Variants in ATG5 observed in about 807,000 individuals in gnomAD.
The protein encoded by ATG5 is autophagy related 5.
In ATG5, 14 loss-of-function variants were observed where a neutral mutation model predicts 36.5. The ratio of observed to expected loss-of-function variants is 0.38; its 90% CI spans 0.25 to 0.60. ATG5 has a LOEUF of 0.60. Ranked by LOEUF, ATG5 falls within the 20% of genes least tolerant of loss-of-function variation. The probability of loss-of-function intolerance (pLI) is 0.60; values close to 1 mark genes in which losing one functional copy is unlikely to be tolerated. For synonymous variants in ATG5, 95 were observed against 101.5 expected (o/e 0.94, Z 0.38); for missense variants, 195 against 326.7 (o/e 0.60, Z 3.11).
At chr6:106,229,500 G>GAGAA (rs1777590018) in intron 6 of ATG5, among the ~76,000 whole-genome samples, 2 of 152,060 alleles carry the variant, frequency 1.3e-5, no homozygotes, top group Non-Finnish European at 2.9e-5. Flanking sequence ...AGACAAAGAG[G>GAGAA]AGAAAGAGGC....
At chr6:106,253,705 T>C (rs1036824538) in intron 5 of ATG5, among the ~76,000 whole-genome samples, 1 of 152,200 alleles carries the variant, frequency 6.6e-6, no homozygotes, top group Non-Finnish European at 1.5e-5. Context: ...GAAAGCTCTT[T>C]TAAAGTATAA....
intron 5 of ATG5, among the ~76,000 whole-genome samples, chr6:106,262,158 C>T (rs1627312): frequency 0.082 from 12,446 of 152,220 alleles, 533 homozygotes; most frequent in South Asian, 0.13. Flanking sequence ...CTTCAACCTC[C>T]GCCTCCCAGG....
At chr6:106,250,294 C>G (rs867447554) in intron 5 of ATG5, among the ~76,000 whole-genome samples, 3 of 152,180 alleles carry the variant, frequency 2.0e-5, no homozygotes, top group South Asian at 2.1e-4. Context: ...TCCTAAAAGA[C>G]TGTGACAGGC....
At chr6:106,270,368 G>A (rs1779408094) in intron 5 of ATG5, among the ~76,000 whole-genome samples, 1 of 152,124 alleles carries the variant, frequency 6.6e-6, no homozygotes, top group Non-Finnish European at 1.5e-5. Context: ...ATTCTTAAAT[G>A]CCACACACAG....
At chr6:106,308,003 AT>A (rs1257420975) in intron 3 of ATG5, among the ~76,000 whole-genome samples, 1 of 152,148 alleles carries the variant, frequency 6.6e-6, no homozygotes, top group African/African-American at 2.4e-5. Context: ...AATCATGTAT[AT>A]AAAGATGTTA....
At chr6:106,301,277 T>G (rs1770194392) in intron 3 of ATG5, among the ~76,000 whole-genome samples, 1 of 152,028 alleles carries the variant, frequency 6.6e-6, no homozygotes, top group Admixed American at 6.6e-5. Flanking sequence ...CCTTGTAAGC[T>G]CTCTACAAAT....
intron 6 of ATG5, among the ~76,000 whole-genome samples, chr6:106,227,228 T>G (rs1777484602): frequency 6.6e-6 from 1 of 152,182 alleles, no homozygotes; most frequent in Non-Finnish European, 1.5e-5. Context: ...ATCTTCAGAT[T>G]AATAACAAAT....
intron 6 of ATG5, among the ~76,000 whole-genome samples, chr6:106,212,301 A>G (rs1452054295): frequency 6.6e-6 from 1 of 152,240 alleles, no homozygotes; most frequent in Non-Finnish European, 1.5e-5. Context: ...ACAACTAACT[A>G]TGAGTGTGCT....
At chr6:106,284,214 C>T (rs745680616) in intron 4 of ATG5, among the ~76,000 whole-genome samples, 1 of 152,140 alleles carries the variant, frequency 6.6e-6, no homozygotes, top group Non-Finnish European at 1.5e-5. Context: ...AATAGAACTG[C>T]TGTGTAATGT....
At chr6:106,268,339 C>T (rs1017858106) in intron 5 of ATG5, among the ~76,000 whole-genome samples, 1 of 152,152 alleles carries the variant, frequency 6.6e-6, no homozygotes, top group African/African-American at 2.4e-5. Flanking sequence ...TACTATCTTA[C>T]ACCAGTTAGA....
At chr6:106,220,030 T>A (rs554961138) in intron 6 of ATG5, among the ~76,000 whole-genome samples, 256 of 152,214 alleles carry the variant, frequency 1.7e-3, no homozygotes, top group African/African-American at 4.4e-3. Flanking sequence ...AGCCTTTTTT[T>A]AAAAAGCTAA....
intron 4 of ATG5, among the ~76,000 whole-genome samples, chr6:106,289,011 T>C (rs1780198436): frequency 2.0e-5 from 3 of 152,140 alleles, no homozygotes; most frequent in African/African-American, 7.2e-5. Context: ...AATCAAAATC[T>C]ATTACAACCT....
intron 6 of ATG5, among the ~76,000 whole-genome samples, chr6:106,210,815 T>C (rs982163199): frequency 2.6e-5 from 4 of 151,700 alleles, no homozygotes; most frequent in African/African-American, 9.8e-5. Context: ...GTTATACAAT[T>C]AATTCATATA....
intron 7 of ATG5, among the ~76,000 whole-genome samples, chr6:106,194,346 A>C (rs1334477640): frequency 6.6e-6 from 1 of 152,138 alleles, no homozygotes; most frequent in Non-Finnish European, 1.5e-5. Flanking sequence ...GATACTAACA[A>C]GCTTCAATTT....
chr6:106,241,868 A>G (rs1390701417), intron 6 of ATG5, among the ~76,000 whole-genome samples: 2 of 152,096 alleles, frequency 1.3e-5, no homozygotes, highest in African/African-American at 4.8e-5. Flanking sequence ...CTCAAGGAAG[A>G]GCTGCCAAAA....
At chr6:106,246,145 G>A (rs1488565840) in intron 6 of ATG5, among the ~76,000 whole-genome samples, 1 of 152,118 alleles carries the variant, frequency 6.6e-6, no homozygotes, top group African/African-American at 2.4e-5. Context: ...CAAAAGGAAA[G>A]TTATGTAGGT....
chr6:106,302,055 T>C (rs1770231445), intron 3 of ATG5, among the ~76,000 whole-genome samples: 1 of 152,004 alleles, frequency 6.6e-6, no homozygotes, highest in South Asian at 2.1e-4. Flanking sequence ...ATATAGGAAG[T>C]ACACACGTAG....
chr6:106,214,343 CACTTATCAGACT>C (rs1776961089), intron 6 of ATG5, among the ~76,000 whole-genome samples: 1 of 152,014 alleles, frequency 6.6e-6, no homozygotes, highest in South Asian at 2.1e-4. Context: ...GAGTCTGTAG[CACTTATCAGACT>C]ACTTTTATCC....
At chr6:106,270,536 T>A (rs1779416937) in intron 5 of ATG5, among the ~76,000 whole-genome samples, 1 of 152,224 alleles carries the variant, frequency 6.6e-6, no homozygotes, top group South Asian at 2.1e-4. Context: ...TGTGACACAT[T>A]CACTGCCATA....
Sources: allele counts gnomAD v4.1 joint callset (sites outside exome capture counted in the v4.1 genomes callset), GRCh38; gene constraint gnomAD v4.1.1; transcripts MANE v1.5; gene names NCBI Gene and HGNC (gene_info 2026-07-23, HGNC 2026-07-21).